Variants in ADAM12 observed in about 807,000 individuals in gnomAD.
ADAM12 encodes the protein ADAM metallopeptidase domain 12.
ADAM12 carries 70 observed loss-of-function variants against 106.4 expected under a neutral mutation model. That is an observed-to-expected ratio of 0.66 (90% CI 0.54 to 0.80). The LOEUF is 0.80. Among genes scored for constraint, ADAM12 ranks in the 30% least tolerant of loss-of-function variants. The pLI, the probability that ADAM12 is intolerant of heterozygous loss-of-function variation, is 0.00. For synonymous variants in ADAM12, 420 were observed against 433.5 expected (o/e 0.97, Z 0.39); for missense variants, 1,010 against 1,171.9 (o/e 0.86, Z 2.02).
chr10:126,163,522 C>T (rs2133747122), intron 3 of ADAM12, among the ~76,000 whole-genome samples: 1 of 152,316 alleles, frequency 6.6e-6, no homozygotes, highest in East Asian at 1.9e-4. Flanking sequence ...TGACTCAAAA[C>T]ATGAATGACC....
At position 126,019,606 on chromosome 10, in the gene ADAM12, A is replaced by T. The variant is rs558557235; in HGVS notation, c.2660+89T>A. 4.6e-6 allele frequency: 7 copies of T among 1,520,500 alleles called. No individual in the cohort carries two copies. In the Admixed American group the frequency reaches 7.6e-5, roughly 16 times the overall value. 94.2% of individuals were successfully genotyped at this position (1,520,500 alleles called of 1,614,324 possible). ...GGGAGCAGGAAGCACGGCCTAGACC[A>T]CTGCACCCCTGTCCTGGCTTGGATT... On this transcript the variant is annotated intron_variant, in intron 22 of 22. Transcript: ENST00000448723.
intron 3 of ADAM12, among the ~76,000 whole-genome samples, chr10:126,226,350 C>G (rs1230301069): frequency 6.6e-6 from 1 of 152,180 alleles, no homozygotes; most frequent in African/African-American, 2.4e-5. Context: ...ATGGGCGTGG[C>G]TGGTGGGCAC....
At chr10:126,348,109 T>C (rs1049385935) in intron 1 of ADAM12, among the ~76,000 whole-genome samples, 2 of 152,214 alleles carry the variant, frequency 1.3e-5, no homozygotes, top group African/African-American at 4.8e-5. Flanking sequence ...CACCTGTACA[T>C]TTAGTGCTCA....
chr10:126,255,477 G>A lies in ADAM12; in HGVS notation c.260+23438C>T, dbSNP rs999265699. On this transcript the variant is annotated intron_variant, in intron 3 of 22. Transcript: ENST00000448723. ...CAGCCCCTTCATGGCAGGAGGACTA[G>A]GAGGGTCCAATAAGGCAGTTTAAAC... 4.6e-5 allele frequency among the ~76,000 whole-genome samples: 7 copies of A among 152,140 alleles called. No homozygotes were observed. In the South Asian group the frequency reaches 1.5e-3, roughly 32 times the overall value.
chr10:126,058,589 G>A (rs1051415857), intron 14 of ADAM12, among the ~76,000 whole-genome samples: 19 of 152,204 alleles, frequency 1.2e-4, no homozygotes, highest in African/African-American at 4.6e-4. Context: ...GACCTTGGGA[G>A]CAGATGCAGC....
At chr10:126,045,596 A>G (rs1954296079) in intron 17 of ADAM12, among the ~76,000 whole-genome samples, 1 of 152,256 alleles carries the variant, frequency 6.6e-6, no homozygotes, top group Non-Finnish European at 1.5e-5. Flanking sequence ...TCTCTGAACT[A>G]AAATAACAGC....
At chr10:126,371,887 T>A (rs1590837302) in intron 1 of ADAM12, among the ~76,000 whole-genome samples, 3 of 152,182 alleles carry the variant, frequency 2.0e-5, no homozygotes, top group African/African-American at 7.2e-5. Context: ...TCTGCTACCA[T>A]TCATTCTCTA....
intron 1 of ADAM12, among the ~76,000 whole-genome samples, chr10:126,344,664 C>A (rs1280833009): frequency 6.6e-6 from 1 of 152,104 alleles, no homozygotes; most frequent in African/African-American, 2.4e-5. Context: ...AGCATGGAAT[C>A]TTCTTCCATT....
chr10:126,352,079 G>A (rs919879775), intron 1 of ADAM12, among the ~76,000 whole-genome samples: 28 of 152,162 alleles, frequency 1.8e-4, no homozygotes, highest in African/African-American at 6.0e-4. Flanking sequence ...TGATGGAGGT[G>A]TCCTCGGCGG....
At chr10:126,297,389 T>A (rs1960428885) in intron 2 of ADAM12, among the ~76,000 whole-genome samples, 1 of 152,014 alleles carries the variant, frequency 6.6e-6, no homozygotes, top group African/African-American at 2.4e-5. Flanking sequence ...CAAAAAATTT[T>A]AAAAAATATA....
intron 3 of ADAM12, among the ~76,000 whole-genome samples, chr10:126,217,516 C>T (rs1958008940): frequency 6.6e-6 from 1 of 151,676 alleles, no homozygotes; most frequent in Admixed American, 6.6e-5. Flanking sequence ...TACAGGAATG[C>T]ACCACCATGC....
chr10:126,019,555 T>G (rs1481637374), intron 22 of ADAM12, 140 bp downstream of exon 22: 1 of 1,127,724 alleles, frequency 8.9e-7, no homozygotes, highest in Non-Finnish European at 1.2e-6. Context: ...TTGTCATGTC[T>G]ATTTTACGGT....
chr10:126,297,295 C>A (rs1400225403), intron 2 of ADAM12, among the ~76,000 whole-genome samples: 2 of 152,212 alleles, frequency 1.3e-5, no homozygotes, highest in Non-Finnish European at 2.9e-5. Flanking sequence ...GTAATCCCAG[C>A]ACTTTGGGAG....
chr10:126,115,791 G>A (rs1955970507), intron 6 of ADAM12, among the ~76,000 whole-genome samples: 1 of 152,152 alleles, frequency 6.6e-6, no homozygotes, highest in African/African-American at 2.4e-5. Context: ...GGCAGCATAA[G>A]TGGGGCAGGA....
intron 4 of ADAM12, among the ~76,000 whole-genome samples, chr10:126,143,165 T>C (rs1277229773): frequency 6.6e-6 from 1 of 151,406 alleles, no homozygotes; most frequent in East Asian, 2.0e-4. Flanking sequence ...CACGTGTATA[T>C]ATATGTATGT....
At position 126,268,169 on chromosome 10, in the gene ADAM12, G is replaced by C. The variant is rs1682122169; in HGVS notation, c.260+10746C>G. Among the ~76,000 whole-genome samples, 2 of 152,078 alleles carry C rather than the reference G, an allele frequency of 1.3e-5. 1 individual carries two copies. The highest frequency in any genetic ancestry group is 4.1e-4 in the South Asian group (2 of 4,824). The stretch of plus-strand genomic sequence containing the variant: ...CCACCATTCTACTTTCTGTTTCTAT[G>C]ATTTTGCCTATTCGAATTTTGCCTA... On this transcript the variant is annotated intron_variant, in intron 3 of 22. Transcript: ENST00000448723.
At chr10:126,296,126 A>C (rs1960370168) in intron 2 of ADAM12, among the ~76,000 whole-genome samples, 1 of 152,172 alleles carries the variant, frequency 6.6e-6, no homozygotes, top group Admixed American at 6.5e-5. Flanking sequence ...TTTTAAAATA[A>C]AATATTTGGT....
At chr10:126,144,620 G>A (rs1010584973) in intron 4 of ADAM12, among the ~76,000 whole-genome samples, 7 of 152,252 alleles carry the variant, frequency 4.6e-5, no homozygotes, top group African/African-American at 1.7e-4. Context: ...TGCACACGGG[G>A]GGGTTAGCAG....
At chr10:126,245,888 G>A (rs1029967509) in intron 3 of ADAM12, among the ~76,000 whole-genome samples, 1 of 152,150 alleles carries the variant, frequency 6.6e-6, no homozygotes, top group African/African-American at 2.4e-5. Flanking sequence ...ATGAAGAAGT[G>A]AGAGGGTAGC....
Sources: gnomAD v4.1 joint callset for allele counts (sites outside exome capture counted in the v4.1 genomes callset) on GRCh38, gnomAD v4.1.1 for gene constraint, MANE v1.5 for transcripts, NCBI Gene and HGNC (gene_info 2026-07-23, HGNC 2026-07-21) for gene names.